Variants in TBC1D8 observed in about 807,000 individuals in gnomAD.
The protein encoded by TBC1D8 is TBC1 domain family member 8, also known as BUB2-like protein 1.
Under a neutral mutation model 118.8 loss-of-function variants are expected in TBC1D8, and 65 were observed. That is an observed-to-expected ratio of 0.55 (90% CI 0.45 to 0.67). The LOEUF (loss-of-function observed/expected upper bound fraction) is 0.67, where lower values mean the gene tolerates loss of function less well. Ranked by LOEUF, TBC1D8 falls within the 30% of genes least tolerant of loss-of-function variation. The pLI is 0.00. For synonymous variants in TBC1D8, 566 were observed against 595.8 expected (o/e 0.95, Z 0.73); for missense variants, 1,376 against 1,471.2 (o/e 0.94, Z 1.06).
intron 2 of TBC1D8, among the ~76,000 whole-genome samples, chr2:101,065,256 T>C (rs1420543557): frequency 1.3e-5 from 2 of 152,214 alleles, no homozygotes; most frequent in African/African-American, 2.4e-5. Flanking sequence ...TCTGTGTGTA[T>C]AGTTCAGATC....
chr2:101,023,019 C>G (rs1680133782), intron 15 of TBC1D8, among the ~76,000 whole-genome samples: 1 of 151,912 alleles, frequency 6.6e-6, no homozygotes, highest in Non-Finnish European at 1.5e-5. Flanking sequence ...GCGGTGTGCA[C>G]CTGTGATCCC....
At chr2:101,109,585 G>C (rs949251570) in intron 1 of TBC1D8, among the ~76,000 whole-genome samples, 1 of 152,090 alleles carries the variant, frequency 6.6e-6, no homozygotes, top group Non-Finnish European at 1.5e-5. Flanking sequence ...GGAGGCCTTT[G>C]GGCAATACTT....
chr2:101,093,119 T>G (rs577652260), intron 1 of TBC1D8, among the ~76,000 whole-genome samples: 1 of 152,336 alleles, frequency 6.6e-6, no homozygotes, highest in South Asian at 2.1e-4. Flanking sequence ...TATAATTTTC[T>G]TAACCTTTTC....
At chr2:101,014,738 G>C (rs1679487185) in intron 17 of TBC1D8, among the ~76,000 whole-genome samples, 1 of 152,162 alleles carries the variant, frequency 6.6e-6, no homozygotes, top group African/African-American at 2.4e-5. Context: ...TTAAAAGCAA[G>C]AGCGTACAGA....
At chr2:101,093,675 A>G (rs1461843083) in intron 1 of TBC1D8, among the ~76,000 whole-genome samples, 1 of 151,704 alleles carries the variant, frequency 6.6e-6, no homozygotes, top group Non-Finnish European at 1.5e-5. Context: ...AGATCACACC[A>G]CTGCACTTCA....
chr2:101,045,539 A>G (rs1456979842), intron 5 of TBC1D8, among the ~76,000 whole-genome samples: 1 of 152,194 alleles, frequency 6.6e-6, no homozygotes, highest in Non-Finnish European at 1.5e-5. Flanking sequence ...TGGCTCTCCC[A>G]TGCTCAGCAT....
intron 2 of TBC1D8, among the ~76,000 whole-genome samples, chr2:101,085,273 C>T (rs192373965): frequency 4.6e-5 from 7 of 152,166 alleles, no homozygotes; most frequent in African/African-American, 1.4e-4. Flanking sequence ...GAGTTGAATG[C>T]TGTGTGGCCA....
chr2:101,018,613 C>T (rs1679828043), intron 17 of TBC1D8, among the ~76,000 whole-genome samples: 1 of 152,200 alleles, frequency 6.6e-6, no homozygotes, highest in African/African-American at 2.4e-5. Context: ...GGCAGGCAAA[C>T]ATTTCAGAGA....
At chr2:101,032,156 G>A in intron 11 of TBC1D8, 112 bp downstream of exon 11, 1 of 981,338 alleles carries the variant, frequency 1.0e-6, no homozygotes, top group Non-Finnish European at 1.5e-6. Context: ...TTTGCAAACA[G>A]ACTAGCTGAG....
intron 2 of TBC1D8, among the ~76,000 whole-genome samples, chr2:101,083,810 C>T (rs1288620876): frequency 6.6e-6 from 1 of 152,160 alleles, no homozygotes; most frequent in Non-Finnish European, 1.5e-5. Flanking sequence ...ACTTGAAACC[C>T]TGGGCAGGGG....
At chr2:101,115,959 G>T (rs552831532) in intron 1 of TBC1D8, among the ~76,000 whole-genome samples, 1 of 152,168 alleles carries the variant, frequency 6.6e-6, no homozygotes, top group Non-Finnish European at 1.5e-5. Flanking sequence ...AACATAAAAG[G>T]ATTCCAGGAG....
intron 17 of TBC1D8, chr2:101,019,020 A>C (rs373067797): frequency 3.1e-6 from 5 of 1,612,384 alleles, no homozygotes; most frequent in Non-Finnish European, 4.2e-6. Flanking sequence ...ACAGTGTTAC[A>C]GTCGCCAAGA....
intron 1 of TBC1D8, among the ~76,000 whole-genome samples, chr2:101,109,533 C>T (rs540408013): frequency 1.3e-4 from 20 of 152,188 alleles, no homozygotes; most frequent in Non-Finnish European, 2.6e-4. Flanking sequence ...TGCAGCCCTA[C>T]TTAGTCCGTC....
chr2:101,088,244 C>G (rs1675766286), intron 2 of TBC1D8, among the ~76,000 whole-genome samples: 1 of 152,038 alleles, frequency 6.6e-6, no homozygotes, highest in Non-Finnish European at 1.5e-5. Context: ...TAGATACCTT[C>G]TTTGTATTTT....
chr2:101,033,174 T>C (rs552178968), intron 10 of TBC1D8, among the ~76,000 whole-genome samples: 7 of 151,542 alleles, frequency 4.6e-5, no homozygotes, highest in Non-Finnish European at 7.4e-5. Flanking sequence ...TGGAATGCAG[T>C]GGCATGATCT....
intron 1 of TBC1D8, among the ~76,000 whole-genome samples, chr2:101,149,926 C>T (rs1450827339): frequency 6.6e-6 from 1 of 152,210 alleles, no homozygotes; most frequent in African/African-American, 2.4e-5. Flanking sequence ...GCACCGCCTC[C>T]GTCCAGAATC....
At chr2:101,016,162 G>A (rs1679618444) in intron 17 of TBC1D8, among the ~76,000 whole-genome samples, 2 of 152,234 alleles carry the variant, frequency 1.3e-5, no homozygotes, top group Admixed American at 6.5e-5. Flanking sequence ...GAAAATTTTC[G>A]CAACCTACTC....
intron 5 of TBC1D8, among the ~76,000 whole-genome samples, chr2:101,047,103 C>G (rs2105407789): frequency 1.3e-5 from 2 of 152,300 alleles, no homozygotes; most frequent in Admixed American, 1.3e-4. Flanking sequence ...TGGGCAGCTC[C>G]TCAGTCACTC....
chr2:101,052,500 G>A (rs1252322722), intron 4 of TBC1D8, among the ~76,000 whole-genome samples: 4 of 146,998 alleles, frequency 2.7e-5, no homozygotes, highest in East Asian at 2.0e-4. Context: ...TTTTTGAGGC[G>A]GAGTCTTGCT....
Sources: allele counts gnomAD v4.1 joint callset (sites outside exome capture counted in the v4.1 genomes callset), GRCh38; gene constraint gnomAD v4.1.1; transcripts MANE v1.5; gene names NCBI Gene and HGNC (gene_info 2026-07-23, HGNC 2026-07-21).